The following GRID2 variants were observed in gnomAD, a reference collection of about 807,000 sequenced individuals.
GRID2 encodes glutamate receptor ionotropic, delta-2.
A neutral mutation model predicts 114.8 loss-of-function variants in GRID2; 33 were observed. That is an observed-to-expected ratio of 0.29 (90% CI 0.22 to 0.38). The LOEUF is 0.38. Among genes scored for constraint, GRID2 ranks in the 10% least tolerant of loss-of-function variants. GRID2 has a pLI of 1.00. For missense variants in GRID2, 1,184 were observed against 1,257.7 expected (o/e 0.94, Z 0.89); for synonymous variants, 505 against 449.9 (o/e 1.12, Z -1.55).
chr4:92,392,113 T>G lies in GRID2; in HGVS notation c.88+87369T>G, dbSNP rs1463431724. Among the ~76,000 whole-genome samples, 5 of 152,192 alleles carry G rather than the reference T, an allele frequency of 3.3e-5. No homozygotes were observed. In the East Asian group the frequency reaches 9.6e-4, roughly 29 times the overall value. On this transcript the variant is annotated intron_variant, in intron 1 of 15. Transcript: ENST00000282020. ...AAGATTTACATTGATTGACCTAGGA[T>G]GCACTTCAATTATCTAGCCTGAGCC...
At chr4:92,574,413 ATTTTTTT>A (rs58296126) in intron 1 of GRID2, among the ~76,000 whole-genome samples, 1 of 112,410 alleles carries the variant, frequency 8.9e-6, no homozygotes. Flanking sequence ...GTACTTTAGT[ATTTTTTT>A]TTTTTTTTTT....
intron 2 of GRID2, among the ~76,000 whole-genome samples, chr4:92,739,182 A>G (rs1179684821): frequency 6.6e-6 from 1 of 152,176 alleles, no homozygotes; most frequent in Non-Finnish European, 1.5e-5. Flanking sequence ...TGAGAAGTCA[A>G]GTTACCCTAG....
intron 1 of GRID2, among the ~76,000 whole-genome samples, chr4:92,397,940 C>T (rs1356399558): frequency 7.5e-6 from 1 of 132,458 alleles, no homozygotes; most frequent in Non-Finnish European, 1.6e-5. Context: ...ACTAGAATCA[C>T]TTGCAAATTT....
intron 2 of GRID2, among the ~76,000 whole-genome samples, chr4:92,987,625 T>G (rs1754591149): frequency 6.6e-6 from 1 of 151,882 alleles, no homozygotes; most frequent in Non-Finnish European, 1.5e-5. Flanking sequence ...AATAAATAAA[T>G]GAAAAGAAAA....
intron 1 of GRID2, among the ~76,000 whole-genome samples, chr4:93,788,672 T>A (rs890965656): frequency 1.3e-5 from 2 of 152,196 alleles, no homozygotes; most frequent in Non-Finnish European, 2.9e-5. Context: ...CCAAATTATA[T>A]GATCTAAAGG....
chr4:92,541,078 G>A (rs865874809), intron 1 of GRID2, among the ~76,000 whole-genome samples: 3 of 152,026 alleles, frequency 2.0e-5, no homozygotes, highest in African/African-American at 4.8e-5. Flanking sequence ...TCACTCATAG[G>A]TGGGAATTGA....
At chr4:93,509,084 A>C (rs1325978043) in intron 12 of GRID2, among the ~76,000 whole-genome samples, 1 of 152,236 alleles carries the variant, frequency 6.6e-6, no homozygotes, top group Non-Finnish European at 1.5e-5. Context: ...ACTGTTTTCT[A>C]AGGGCAGTGA....
intron 1 of GRID2, among the ~76,000 whole-genome samples, chr4:92,481,979 G>T (rs1411373522): frequency 1.9e-5 from 1 of 53,286 alleles, no homozygotes; most frequent in Non-Finnish European, 3.8e-5. Context: ...AGAATAAAAT[G>T]TGATATATAT....
chr4:92,651,196 A>G (rs940202585), intron 2 of GRID2, among the ~76,000 whole-genome samples: 3 of 152,108 alleles, frequency 2.0e-5, no homozygotes, highest in African/African-American at 7.2e-5. Context: ...TGCAATAAAG[A>G]TAAAACACTG....
intron 14 of GRID2, among the ~76,000 whole-genome samples, chr4:93,686,948 G>T (rs992507517): frequency 1.2e-4 from 19 of 152,076 alleles, no homozygotes; most frequent in African/African-American, 4.6e-4. Flanking sequence ...GAGCACAGAA[G>T]AGACATGATC....
intron 2 of GRID2, among the ~76,000 whole-genome samples, chr4:92,608,910 T>C (rs1264385451): frequency 2.0e-5 from 3 of 151,812 alleles, no homozygotes; most frequent in Non-Finnish European, 2.9e-5. Context: ...TGAGAACTTA[T>C]AATTTGCAAA....
At position 93,224,601 on chromosome 4, in the gene GRID2, A is replaced by C; in HGVS notation, c.964-13A>C. The C allele has an allele frequency of 6.4e-7, 1 of 1,570,756 alleles. No homozygotes were observed. The highest frequency in any genetic ancestry group is 2.2e-5 in the East Asian group (1 of 44,606). ...TCAATGATTCTAATGATCACTTTCT[A>C]ATGTCTTTTCAGATTTCCAACCTTT... On this transcript the variant is annotated splice_polypyrimidine_tract_variant and intron_variant, in intron 6 of 15. Transcript: ENST00000282020.
At chr4:92,768,929 GA>G (rs1738399433) in intron 2 of GRID2, among the ~76,000 whole-genome samples, 1 of 152,134 alleles carries the variant, frequency 6.6e-6, no homozygotes, top group South Asian at 2.1e-4. Context: ...ATTCTGCCCT[GA>G]CTGCTCCCAA....
intron 10 of GRID2, among the ~76,000 whole-genome samples, chr4:93,447,575 T>G (rs1340267791): frequency 6.6e-6 from 1 of 152,056 alleles, no homozygotes. Context: ...GCATGAATTA[T>G]TATCAAGGAA....
intron 12 of GRID2, among the ~76,000 whole-genome samples, chr4:93,499,939 G>A (rs1727935620): frequency 6.6e-6 from 1 of 151,850 alleles, no homozygotes; most frequent in Non-Finnish European, 1.5e-5. Flanking sequence ...TTTACCAGGG[G>A]AACATATTGT....
intron 1 of GRID2, among the ~76,000 whole-genome samples, chr4:92,319,944 A>C (rs528951194): frequency 1.4e-4 from 21 of 152,300 alleles, no homozygotes; most frequent in African/African-American, 4.6e-4. Context: ...ATATGCTGTA[A>C]ATATAAGAGA....
chr4:92,394,003 A>G (rs1730375991), intron 1 of GRID2, among the ~76,000 whole-genome samples: 1 of 152,044 alleles, frequency 6.6e-6, no homozygotes, highest in South Asian at 2.1e-4. Flanking sequence ...CAGTGATCAT[A>G]TTTTCAATTA....
At chr4:93,139,885 GAAAGTATAT>G (rs1735602760) in intron 4 of GRID2, among the ~76,000 whole-genome samples, 1 of 152,094 alleles carries the variant, frequency 6.6e-6, no homozygotes, top group African/African-American at 2.4e-5. Context: ...TTATGAAAAT[GAAAGTATAT>G]AAAATATGTC....
intron 2 of GRID2, among the ~76,000 whole-genome samples, chr4:92,826,433 G>A (rs926028161): frequency 5.9e-5 from 9 of 151,770 alleles, no homozygotes; most frequent in African/African-American, 2.2e-4. Flanking sequence ...CTCTATATTT[G>A]TCCATAGTAC....
Sources: allele counts gnomAD v4.1 joint callset (sites outside exome capture counted in the v4.1 genomes callset), GRCh38; gene constraint gnomAD v4.1.1; transcripts MANE v1.5; gene names NCBI Gene and HGNC (gene_info 2026-07-23, HGNC 2026-07-21).